MEF2C: variants seen among roughly 807,000 people sequenced by gnomAD.
MEF2C encodes myocyte enhancer factor 2C.
Under a neutral mutation model 50.5 loss-of-function variants are expected in MEF2C, and 6 were observed. The ratio of observed to expected loss-of-function variants is 0.12; its 90% CI spans 0.07 to 0.23. The LOEUF (loss-of-function observed/expected upper bound fraction) is 0.23. Among genes scored for constraint, MEF2C ranks in the 10% least tolerant of loss-of-function variants. The pLI is 1.00. For synonymous variants in MEF2C, 183 were observed against 228.0 expected (o/e 0.80, Z 1.78); for missense variants, 276 against 605.0 (o/e 0.46, Z 5.70).
intron 3 of MEF2C, among the ~76,000 whole-genome samples, chr5:88,790,463 G>A (rs1793239163): frequency 6.6e-6 from 1 of 152,094 alleles, no homozygotes; most frequent in South Asian, 2.1e-4. Context: ...ATTCACACTG[G>A]GCCACAGGCA....
At chr5:88,879,797 C>T (rs1026469567) in intron 1 of MEF2C, among the ~76,000 whole-genome samples, 1 of 152,152 alleles carries the variant, frequency 6.6e-6, no homozygotes, top group African/African-American at 2.4e-5. Context: ...TTGAATGGAT[C>T]ATAATGATGA....
chr5:88,860,190 A>G (rs929139004), intron 1 of MEF2C, among the ~76,000 whole-genome samples: 3 of 152,206 alleles, frequency 2.0e-5, no homozygotes, highest in Non-Finnish European at 4.4e-5. Flanking sequence ...CCACATTCTA[A>G]TAATTATGGA....
chr5:88,838,807 T>A (rs1816170826), intron 1 of MEF2C: 1 of 894,758 alleles, frequency 1.1e-6, no homozygotes, highest in African/African-American at 1.8e-5. Flanking sequence ...TCCTTCTATT[T>A]ACAGGGAAGT....
chr5:88,803,991 A>G (rs1425142034), intron 3 of MEF2C, among the ~76,000 whole-genome samples: 2 of 152,212 alleles, frequency 1.3e-5, no homozygotes, highest in Non-Finnish European at 2.9e-5. Flanking sequence ...ATTCATTTTC[A>G]TCTGATTTCT....
chr5:88,722,149 ATGGCC>A lies in MEF2C; in HGVS notation c.*450_*454del. On this transcript the variant is annotated 3_prime_UTR_variant, in exon 11 of 11. Transcript: ENST00000504921. The stretch of plus-strand genomic sequence containing the variant: ...CCTGGTGTGTTCCTAACATTTACCA[ATGGCC>A]ACCCATTACCGGGTCTGTCCAAGCA... 6.4e-6 allele frequency: 1 copy of A among 157,008 alleles called. No homozygotes were observed. The highest frequency in any genetic ancestry group is 1.4e-5 in the Non-Finnish European group (1 of 70,594). The allele number at this position is 157,008 out of a possible 1,614,324, so 9.7% of individuals were successfully genotyped here. A position where few individuals can be genotyped will look rare whatever the true frequency, so the allele number is the denominator to read the frequency against.
chr5:88,742,048 A>C, intron 6 of MEF2C: 1 of 985,386 alleles, frequency 1.0e-6, no homozygotes, highest in South Asian at 4.7e-5. Context: ...TAACTGCAAA[A>C]TTTAAGTGAT....
chr5:88,762,902 G>A (rs913006208), intron 3 of MEF2C, among the ~76,000 whole-genome samples: 1 of 152,158 alleles, frequency 6.6e-6, no homozygotes, highest in African/African-American at 2.4e-5. Context: ...TTTAATTCAT[G>A]CAATTGGGGA....
At chr5:88,897,785 G>A (rs1835266923) in intron 1 of MEF2C, among the ~76,000 whole-genome samples, 1 of 152,040 alleles carries the variant, frequency 6.6e-6, no homozygotes, top group Admixed American at 6.6e-5. Flanking sequence ...TTGGGACTTG[G>A]GATCACTAAA....
intron 1 of MEF2C, among the ~76,000 whole-genome samples, chr5:88,826,754 C>A (rs1053397988): frequency 3.7e-4 from 57 of 152,068 alleles, no homozygotes; most frequent in African/African-American, 1.3e-3. Context: ...AGCTAGCCTA[C>A]ATGTAGTAAA....
chr5:88,828,188 A>G (rs1811693303), intron 1 of MEF2C, among the ~76,000 whole-genome samples: 1 of 152,008 alleles, frequency 6.6e-6, no homozygotes, highest in Non-Finnish European at 1.5e-5. Context: ...TTTAGAAGTT[A>G]AACATAACCT....
intron 1 of MEF2C, among the ~76,000 whole-genome samples, chr5:88,895,513 G>A (rs2150279497): frequency 6.6e-6 from 1 of 152,194 alleles, no homozygotes; most frequent in South Asian, 2.1e-4. Context: ...AAATTTAAGG[G>A]AACTGAGCAT....
intron 1 of MEF2C, among the ~76,000 whole-genome samples, chr5:88,898,786 T>G (rs2150313271): frequency 6.6e-6 from 1 of 152,286 alleles, no homozygotes; most frequent in African/African-American, 2.4e-5. Context: ...TGCAAAAGTA[T>G]TGCTTTAGTT....
chr5:88,824,643 T>C (rs1326155099), intron 1 of MEF2C, among the ~76,000 whole-genome samples: 1 of 151,936 alleles, frequency 6.6e-6, no homozygotes, highest in Admixed American at 6.6e-5. Flanking sequence ...ACAAAATAAA[T>C]GGTGCAAAAT....
At chr5:88,730,344 AAC>A (rs1179830662) in intron 7 of MEF2C, 110 bp from the exon 8 acceptor site, 5 of 1,209,128 alleles carry the variant, frequency 4.1e-6, no homozygotes, top group Non-Finnish European at 6.0e-6. Flanking sequence ...CAACAGTTTA[AAC>A]AGTTTTAAAA....
At chr5:88,806,776 A>G (rs953097425) in intron 2 of MEF2C, among the ~76,000 whole-genome samples, 6 of 152,230 alleles carry the variant, frequency 3.9e-5, no homozygotes. Context: ...TAAAATATGC[A>G]AAATAAAAAA....
At chr5:88,742,379 G>C in intron 6 of MEF2C, 2 of 984,696 alleles carry the variant, frequency 2.0e-6, no homozygotes, top group South Asian at 9.4e-5. Flanking sequence ...TAGTATTTCA[G>C]GGGGAAATAT....
At chr5:88,766,717 G>A (rs894768464) in intron 3 of MEF2C, 20 of 985,172 alleles carry the variant, frequency 2.0e-5, no homozygotes, top group Middle Eastern at 5.2e-4. Context: ...AAAAATCCAA[G>A]TAATCACACT....
chr5:88,727,979 T>A (rs1455659692), intron 10 of MEF2C, among the ~76,000 whole-genome samples: 4 of 152,098 alleles, frequency 2.6e-5, no homozygotes, highest in Middle Eastern at 3.4e-3. Flanking sequence ...ATTAGTATTA[T>A]ATGTACTAGT....
rs1404903275 is a variant in MEF2C at position 88,806,780 on chromosome 5, T to C, written c.55-1979A>G. On this transcript the variant is annotated intron_variant, in intron 2 of 10. Coordinates refer to ENST00000504921, the MANE Select transcript of MEF2C (RefSeq NM_002397.5). ...TATTTTGTATATAAAATATGCAAAATAAAAAATACAAAACTGTTTATATTT... is the reference window on the plus strand; with the variant it reads ...TATTTTGTATATAAAATATGCAAAACAAAAAATACAAAACTGTTTATATTT... Among the ~76,000 whole-genome samples the C allele has an allele frequency of 2.0e-5, 3 of 152,162 alleles. No homozygotes were observed. In the East Asian group the frequency reaches 5.8e-4, roughly 29 times the overall value.
Sources: gnomAD v4.1 joint callset for allele counts (sites outside exome capture counted in the v4.1 genomes callset) on GRCh38, gnomAD v4.1.1 for gene constraint, MANE v1.5 for transcripts, NCBI Gene and HGNC (gene_info 2026-07-23, HGNC 2026-07-21) for gene names.